Variants in EIF4G3 observed in about 807,000 individuals in gnomAD.
The protein encoded by EIF4G3 is eukaryotic translation initiation factor 4 gamma 3.
EIF4G3 carries 34 observed loss-of-function variants against 186.4 expected under a neutral mutation model. The ratio of observed to expected loss-of-function variants is 0.18; its 90% CI spans 0.14 to 0.24. EIF4G3 has a LOEUF of 0.24. Among genes scored for constraint, EIF4G3 ranks in the 10% least tolerant of loss-of-function variants. The pLI is 1.00. For synonymous variants in EIF4G3, 673 were observed against 679.5 expected (o/e 0.99, Z 0.15); for missense variants, 1,536 against 1,948.5 (o/e 0.79, Z 3.99).
chr1:20,895,512 G>C lies in EIF4G3; in HGVS notation c.2000-11C>G, dbSNP rs369551361. The C allele has an allele frequency of 6.2e-7, 1 of 1,612,890 alleles. No individual in the cohort carries two copies. The highest frequency in any genetic ancestry group is 1.3e-5 in the African/African-American group (1 of 74,852). Reference sequence around the variant, plus strand: ...TAGGCTTCCAGGATTCTAGAAAGAGGAATATAGGCAGACACTGTTTGTAGG... The same window carrying C: ...TAGGCTTCCAGGATTCTAGAAAGAGCAATATAGGCAGACACTGTTTGTAGG... On this transcript the variant is annotated splice_polypyrimidine_tract_variant and intron_variant, in intron 16 of 36. Transcript: ENST00000602326.
chr1:20,947,103 T>C (rs2095984953), intron 13 of EIF4G3, among the ~76,000 whole-genome samples: 1 of 152,154 alleles, frequency 6.6e-6, no homozygotes, highest in South Asian at 2.1e-4. Flanking sequence ...TCCCAGCACC[T>C]TGGCAGGCCG....
At chr1:21,076,133 A>G (rs748584325) in intron 3 of EIF4G3, among the ~76,000 whole-genome samples, 1 of 152,206 alleles carries the variant, frequency 6.6e-6, no homozygotes, top group Non-Finnish European at 1.5e-5. Flanking sequence ...ATAAAATCAT[A>G]CCAAGTATCT....
rs2154551744 is a variant in EIF4G3 at position 20,860,416 on chromosome 1, C to T, written c.3213G>A (p.Gln1071=). The change falls in exon 24 of 37, where the codon CAG becomes CAA. Residue 1071 remains glutamine (Q), a synonymous_variant. Coordinates refer to ENST00000602326, the MANE Select transcript of EIF4G3 (RefSeq NM_001391906.1). ...TTCTCTTCTCTTTGGTCATGAGTTG[C>T]TGGACCTTCCTTTGCTCTTCTTGTT... ...IEEQEEQRKV[Q]QLMTKEKRRP... The T allele has an allele frequency of 1.2e-6, 2 of 1,614,118 alleles. No individual in the cohort carries two copies. The highest frequency in any genetic ancestry group is 1.7e-6 in the Non-Finnish European group (2 of 1,180,018).
intron 12 of EIF4G3, among the ~76,000 whole-genome samples, chr1:20,958,552 A>G (rs1283728310): frequency 6.6e-6 from 1 of 152,180 alleles, no homozygotes; most frequent in Non-Finnish European, 1.5e-5. Context: ...TAGCTAGAGC[A>G]ATTAGGTAAG....
At chr1:21,045,795 T>TAA (rs1187693971) in intron 4 of EIF4G3, among the ~76,000 whole-genome samples, 1 of 145,838 alleles carries the variant, frequency 6.9e-6, no homozygotes, top group South Asian at 2.2e-4. Flanking sequence ...AAACTTCTCT[T>TAA]AAAAAAAAAA....
chr1:20,863,940 T>C (rs938427100), intron 22 of EIF4G3, among the ~76,000 whole-genome samples: 1 of 152,188 alleles, frequency 6.6e-6, no homozygotes. Context: ...TATAAACCAC[T>C]GGGTTTTCTG....
At chr1:20,881,390 ATAG>A (rs2082270986) in intron 19 of EIF4G3, among the ~76,000 whole-genome samples, 1 of 152,248 alleles carries the variant, frequency 6.6e-6, no homozygotes. Context: ...AAAAGACAAC[ATAG>A]TAGAAAAGTG....
intron 4 of EIF4G3, among the ~76,000 whole-genome samples, chr1:21,026,530 A>T (rs1047170929): frequency 6.6e-6 from 1 of 152,174 alleles, no homozygotes; most frequent in Admixed American, 6.5e-5. Flanking sequence ...AAAAAAAAAA[A>T]AAAGTAGACA....
chr1:21,003,989 C>T (rs1013841092), intron 4 of EIF4G3: 1 of 168,622 alleles, frequency 5.9e-6, no homozygotes, highest in African/African-American at 2.4e-5. Flanking sequence ...TTGAAATTAT[C>T]AATGCTAAGA....
chr1:21,172,649 C>T (rs1469173396), intron 2 of EIF4G3, among the ~76,000 whole-genome samples: 6 of 152,066 alleles, frequency 3.9e-5, no homozygotes, highest in South Asian at 2.1e-4. Context: ...CGCGGGTTCA[C>T]GCCATTCTCC....
chr1:20,890,754 C>A (rs1334178811), intron 18 of EIF4G3, among the ~76,000 whole-genome samples: 4 of 152,196 alleles, frequency 2.6e-5, no homozygotes, highest in Non-Finnish European at 5.9e-5. Flanking sequence ...CTGTGCCTGG[C>A]CATTTTTGTT....
chr1:20,952,742 C>T (rs1247968995), intron 12 of EIF4G3, among the ~76,000 whole-genome samples: 3 of 151,946 alleles, frequency 2.0e-5, no homozygotes, highest in East Asian at 1.9e-4. Context: ...TCCAGCTATT[C>T]GGGAGGCTGA....
rs562338248 is a variant in EIF4G3, at chr1:20,852,608, C to T, written c.3551+952G>A. On this transcript the variant is annotated intron_variant, in intron 27 of 36. Transcript: ENST00000602326. ...ATTCTAACCAGCTGAGCAAACAGTT[C>T]GTTGGCCCGTGGCAGACCAGAAGCA... 5.3e-5 allele frequency among the ~76,000 whole-genome samples: 8 copies of T among 152,226 alleles called. No individual in the cohort carries two copies. In the South Asian group the frequency reaches 1.5e-3, roughly 28 times the overall value.
intron 3 of EIF4G3, among the ~76,000 whole-genome samples, chr1:21,068,396 A>AAAAAAAAAAAAAAAAAAAAAAAAAC (rs1200202846): frequency 6.7e-6 from 1 of 148,708 alleles, no homozygotes; most frequent in Non-Finnish European, 1.5e-5. Flanking sequence ...AAAAAAAAAA[A>AAAAAAAAAAAAAAAAAAAAAAAAAC]AAAACAGAAT....
chr1:21,011,740 A>G (rs1349211919), intron 4 of EIF4G3, among the ~76,000 whole-genome samples: 1 of 152,184 alleles, frequency 6.6e-6, no homozygotes, highest in Non-Finnish European at 1.5e-5. Flanking sequence ...TAATTTGGTC[A>G]TTTAAAGAAT....
chr1:21,103,157 CT>C (rs1159408877), intron 2 of EIF4G3, among the ~76,000 whole-genome samples: 1 of 152,094 alleles, frequency 6.6e-6, no homozygotes, highest in African/African-American at 2.4e-5. Flanking sequence ...ATTTAATGTA[CT>C]ATAATAACAG....
intron 3 of EIF4G3, among the ~76,000 whole-genome samples, chr1:21,054,799 TCAG>T (rs1233927124): frequency 6.6e-6 from 1 of 152,186 alleles, no homozygotes; most frequent in Non-Finnish European, 1.5e-5. Context: ...ATCTTCAGGA[TCAG>T]CTACCTGATC....
chr1:21,112,923 A>G (rs1464682070), intron 2 of EIF4G3, among the ~76,000 whole-genome samples: 2 of 152,168 alleles, frequency 1.3e-5, no homozygotes, highest in Non-Finnish European at 2.9e-5. Context: ...GAAAAATCAA[A>G]TGCCATTTCT....
intron 14 of EIF4G3, among the ~76,000 whole-genome samples, chr1:20,923,091 G>A (rs943038981): frequency 6.6e-6 from 1 of 152,026 alleles, no homozygotes; most frequent in Admixed American, 6.6e-5. Context: ...ACTTCAAAAC[G>A]CTTCCCCACT....
Sources: allele counts gnomAD v4.1 joint callset (sites outside exome capture counted in the v4.1 genomes callset), GRCh38; gene constraint gnomAD v4.1.1; transcripts MANE v1.5; gene names NCBI Gene and HGNC (gene_info 2026-07-23, HGNC 2026-07-21).